DNAH3: variants seen among roughly 807,000 people sequenced by gnomAD.
DNAH3 encodes axonemal beta dynein heavy chain 3.
In DNAH3, 332 loss-of-function variants were observed where a neutral mutation model predicts 432.5. The observed-to-expected ratio is 0.77, with a 90% CI of 0.70 to 0.84. The LOEUF (loss-of-function observed/expected upper bound fraction) is 0.84. DNAH3 is among the 40% of genes least tolerant of loss of function. The pLI, the probability that DNAH3 is intolerant of heterozygous loss-of-function variation, is 0.00. For missense variants in DNAH3, 4,861 were observed against 5,114.0 expected (o/e 0.95, Z 1.51); for synonymous variants, 1,956 against 1,900.2 (o/e 1.03, Z -0.76).
chr16:21,084,926 T>C (rs1183931980), intron 19 of DNAH3, among the ~76,000 whole-genome samples: 2 of 152,152 alleles, frequency 1.3e-5, no homozygotes, highest in African/African-American at 4.8e-5. Flanking sequence ...AACCTGGCAC[T>C]ACCAGAGGCC....
chr16:21,125,808 T>C (rs2092435914), intron 8 of DNAH3, among the ~76,000 whole-genome samples: 1 of 152,138 alleles, frequency 6.6e-6, no homozygotes, highest in Admixed American at 6.5e-5. Context: ...GAAACTCCAG[T>C]GTGGCCCTGG....
intron 34 of DNAH3, 58 bp downstream of exon 34, chr16:21,037,703 A>G: frequency 6.7e-7 from 1 of 1,503,434 alleles, no homozygotes; most frequent in Non-Finnish European, 9.2e-7. Context: ...CAAACACAAC[A>G]TTTCATCTTC....
At position 20,985,545 on chromosome 16, in the gene DNAH3, G is replaced by A. The variant is rs372660761; in HGVS notation, c.7197C>T (p.Ile2399=). The A allele has an allele frequency of 4.3e-6, 7 of 1,614,078 alleles. No homozygotes were observed. The East Asian group carries it at 1.1e-4, about 26-fold the overall frequency. The change falls in exon 48 of 62, where the codon ATC becomes ATT. Residue 2399 remains isoleucine (I), a synonymous_variant. Coordinates refer to ENST00000261383, the Ensembl canonical transcript of DNAH3. ...TGACCAGGGACATGGGGGCCTTGCT[G>A]ATGTTGTTGAATTCTTCCAGATAGT...
chr16:20,998,542 C>A (rs2086865197), intron 43 of DNAH3, among the ~76,000 whole-genome samples: 1 of 152,078 alleles, frequency 6.6e-6, no homozygotes, highest in Admixed American at 6.6e-5. Context: ...CGTGAGCCAC[C>A]ACACCCAGCC....
intron 12 of DNAH3, among the ~76,000 whole-genome samples, chr16:21,113,876 T>C (rs1368644537): frequency 6.6e-6 from 1 of 152,236 alleles, no homozygotes; most frequent in East Asian, 1.9e-4. Context: ...ACAATGAATG[T>C]GCTACAAATA....
chr16:20,976,201 AT>A (rs2085582958), intron 50 of DNAH3, among the ~76,000 whole-genome samples: 1 of 151,590 alleles, frequency 6.6e-6, no homozygotes, highest in South Asian at 2.1e-4. Flanking sequence ...AAGTTAAAAT[AT>A]TTTTTCTTTT....
intron 16 of DNAH3, among the ~76,000 whole-genome samples, chr16:21,103,360 G>GA (rs1205201396): frequency 3.3e-4 from 49 of 150,000 alleles, no homozygotes; most frequent in Middle Eastern, 7.5e-3. Flanking sequence ...TGTGTGGGGG[G>GA]GGGCAGGGTG....
At chr16:21,074,660 T>G (rs59711842) in intron 21 of DNAH3, among the ~76,000 whole-genome samples, 3,575 of 151,966 alleles carry the variant, frequency 0.024, 143 homozygotes, top group African/African-American at 0.081. Context: ...GTTGCAGTGA[T>G]CCGAGATCAC....
At chr16:21,132,835 A>T (rs1320481429) in intron 7 of DNAH3, among the ~76,000 whole-genome samples, 1 of 152,160 alleles carries the variant, frequency 6.6e-6, no homozygotes, top group East Asian at 1.9e-4. Flanking sequence ...AAACTTGTGA[A>T]TATATTAAAA....
At chr16:20,959,499 G>C (rs373928895) in intron 53 of DNAH3, 95 bp from the exon 54 acceptor site, 2 of 1,270,688 alleles carry the variant, frequency 1.6e-6, no homozygotes, top group African/African-American at 2.9e-5. Context: ...GCTGGGTGTG[G>C]TGGCTCACAC....
chr16:20,933,709 C>T (rs2083492158), intron 61 of DNAH3, among the ~76,000 whole-genome samples: 2 of 152,218 alleles, frequency 1.3e-5, no homozygotes, highest in African/African-American at 4.8e-5. Context: ...CAGTATGCTG[C>T]CCTTCCCAAT....
In DNAH3 at chr16:20,997,053, T is replaced by C. The variant is rs1379928672; in HGVS notation, c.6601+230A>G. On this transcript the variant is annotated intron_variant, in intron 44 of 61. Coordinates refer to ENST00000261383, the Ensembl canonical transcript of DNAH3. ...GAACTCTCCTTTTCCTATGAGACTC[T>C]CTGTTTCTCTAGGGCCTAGCCAAAC... The C allele has an allele frequency of 6.3e-6, 3 of 475,786 alleles. No individual in the cohort carries two copies. In the East Asian group the frequency reaches 1.0e-4, roughly 16 times the overall value. 29.5% of individuals were successfully genotyped at this position (475,786 alleles called of 1,614,324 possible).
chr16:20,965,002 G>C (rs1414412884), exon 53 of DNAH3: 10 of 1,613,964 alleles, frequency 6.2e-6, no homozygotes, highest in Non-Finnish European at 8.5e-6. Flanking sequence ...CAGCTTTTGG[G>C]AGCAGATTTC....
intron 1 of DNAH3, chr16:21,158,353 C>G (rs969821522): frequency 1.3e-5 from 2 of 152,314 alleles, no homozygotes; most frequent in African/African-American, 4.8e-5. Context: ...CCTTGGAAAA[C>G]TCATTCTCGG....
intron 41 of DNAH3, chr16:21,019,359 C>A (rs1276670946): frequency 6.8e-6 from 3 of 444,116 alleles, no homozygotes; most frequent in Admixed American, 3.8e-5. Flanking sequence ...GGGGTTTCAC[C>A]ATGTTGGCCA....
In DNAH3 at chr16:21,125,354, C is replaced by T. The variant is rs1013012929; in HGVS notation, c.1225G>A (p.Ala409Thr). The T allele has an allele frequency of 1.9e-5, 30 of 1,605,048 alleles. No individual in the cohort carries two copies. Among genetic ancestry groups the T allele is most frequent in the South Asian group, 3.3e-5 (3 of 89,750 alleles). ...TCCTTCCGTGAGGTAAAAAGCTGGG[C>T]GCAGGTGGGGATCCACCTGTAAAGA... Residue 409 changes from alanine to threonine, a missense_variant, in exon 9 of 62, where the codon GCC (alanine) becomes ACC (threonine). Ala to Thr is a moderately conservative substitution (Grantham distance 58, BLOSUM62 0). Transcript: ENST00000261383.
intron 6 of DNAH3, among the ~76,000 whole-genome samples, chr16:21,135,112 T>C (rs2092624435): frequency 6.6e-6 from 1 of 152,154 alleles, no homozygotes; most frequent in African/African-American, 2.4e-5. Context: ...GAGGGTATTT[T>C]ACAGAAAGGA....
chr16:21,067,772 G>GGGGGA (rs1555545837), intron 23 of DNAH3, among the ~76,000 whole-genome samples: 2 of 23,716 alleles, frequency 8.4e-5, no homozygotes, highest in Non-Finnish European at 1.4e-4. Flanking sequence ...GGGGGGGTGG[G>GGGGGA]GAGGGAGAGA....
At chr16:20,989,090 G>A (rs745642872) in intron 44 of DNAH3, among the ~76,000 whole-genome samples, 33 of 152,206 alleles carry the variant, frequency 2.2e-4, no homozygotes, top group African/African-American at 7.5e-4. Context: ...CTTCCACAGT[G>A]CGGAAAGAGA....
Sources: allele counts gnomAD v4.1 joint callset (sites outside exome capture counted in the v4.1 genomes callset), GRCh38; gene constraint gnomAD v4.1.1; transcripts MANE v1.5; gene names NCBI Gene and HGNC (gene_info 2026-07-23, HGNC 2026-07-21).